The following RTN1 variants were observed in gnomAD, a reference collection of about 807,000 sequenced individuals.
RTN1 encodes reticulon 1.
Under a neutral mutation model 65.5 loss-of-function variants are expected in RTN1, and 25 were observed. That is an observed-to-expected ratio of 0.38 (90% CI 0.28 to 0.53). The LOEUF is 0.53. Ranked by LOEUF, RTN1 falls within the 20% of genes least tolerant of loss-of-function variation. The pLI is 0.79. For synonymous variants in RTN1, 471 were observed against 447.6 expected (o/e 1.05, Z -0.66); for missense variants, 983 against 1,025.4 (o/e 0.96, Z 0.57).
chr14:59,665,974 G>A (rs8022432), intron 3 of RTN1, among the ~76,000 whole-genome samples: 121,374 of 152,042 alleles, frequency 0.8, 48,564 homozygotes, highest in Admixed American at 0.86. Flanking sequence ...AGACTTAGAC[G>A]CCCACGCAAT....
At chr14:59,639,415 A>T (rs1882730845) in intron 3 of RTN1, among the ~76,000 whole-genome samples, 1 of 152,198 alleles carries the variant, frequency 6.6e-6, no homozygotes, top group Non-Finnish European at 1.5e-5. Flanking sequence ...TTTGTGTTTT[A>T]AAAAAAGCAG....
chr14:59,690,577 T>C (rs539668444), intron 3 of RTN1, among the ~76,000 whole-genome samples: 23 of 152,004 alleles, frequency 1.5e-4, no homozygotes, highest in Non-Finnish European at 2.8e-4. Context: ...AAATTCAACA[T>C]TTGACCCACT....
At chr14:59,746,657 G>A (rs12587247) in intron 1 of RTN1, among the ~76,000 whole-genome samples, 176 bp from the exon 2 acceptor site, 55,873 of 151,814 alleles carry the variant, frequency 0.37, 10,434 homozygotes, top group Middle Eastern at 0.45. Context: ...TAATCTCCCC[G>A]ATAGTCCATA....
intron 3 of RTN1, among the ~76,000 whole-genome samples, chr14:59,666,279 A>C (rs572446971): frequency 3.9e-5 from 6 of 152,344 alleles, no homozygotes; most frequent in Admixed American, 3.3e-4. Context: ...ACTCAGGATT[A>C]AGAAACTCAC....
intron 8 of RTN1, 47 bp downstream of exon 8, chr14:59,603,018 T>A: frequency 6.7e-7 from 1 of 1,499,000 alleles, no homozygotes; most frequent in African/African-American, 1.4e-5. Context: ...ACTCAAATGC[T>A]GATGTAAGAG....
chr14:59,782,999 A>G (rs1470971526), intron 1 of RTN1, among the ~76,000 whole-genome samples: 1 of 152,180 alleles, frequency 6.6e-6, no homozygotes, highest in Non-Finnish European at 1.5e-5. Context: ...AGCACTTTGC[A>G]CATTTTGCAG....
chr14:59,670,001 G>T (rs77029907), intron 3 of RTN1, among the ~76,000 whole-genome samples: 1 of 152,090 alleles, frequency 6.6e-6, no homozygotes, highest in Non-Finnish European at 1.5e-5. Flanking sequence ...TTATTTGAAG[G>T]TCATCATTGA....
intron 2 of RTN1, among the ~76,000 whole-genome samples, chr14:59,736,436 A>G (rs1885004009): frequency 6.6e-6 from 1 of 152,216 alleles, no homozygotes; most frequent in Admixed American, 6.5e-5. Context: ...AGAAATGGAT[A>G]AATTCCTGGA....
chr14:59,835,443 G>T (rs1887197544), intron 1 of RTN1, among the ~76,000 whole-genome samples: 1 of 152,084 alleles, frequency 6.6e-6, no homozygotes, highest in South Asian at 2.1e-4. Flanking sequence ...TTAAATTTGT[G>T]TAGTTTATTT....
chr14:59,799,434 A>G (rs1886498721), intron 1 of RTN1, among the ~76,000 whole-genome samples: 1 of 152,212 alleles, frequency 6.6e-6, no homozygotes, highest in Non-Finnish European at 1.5e-5. Flanking sequence ...AGTTGAGGTA[A>G]TAAGGCAGCC....
At chr14:59,757,324 T>G (rs575863179) in intron 1 of RTN1, among the ~76,000 whole-genome samples, 2 of 152,312 alleles carry the variant, frequency 1.3e-5, no homozygotes, top group African/African-American at 4.8e-5. Flanking sequence ...TTGAAATATG[T>G]GGGCAGTTTC....
chr14:59,676,611 G>T (rs551480910), intron 3 of RTN1, among the ~76,000 whole-genome samples: 1 of 152,272 alleles, frequency 6.6e-6, no homozygotes, highest in East Asian at 1.9e-4. Flanking sequence ...GAGGAGGCAG[G>T]ACAACATGAA....
chr14:59,726,633 C>T (rs1217211252), intron 3 of RTN1, among the ~76,000 whole-genome samples: 1 of 152,212 alleles, frequency 6.6e-6, no homozygotes, highest in African/African-American at 2.4e-5. Context: ...GGCGCATGCA[C>T]TCCATTTAGG....
intron 3 of RTN1, among the ~76,000 whole-genome samples, chr14:59,674,174 T>C (rs1333727824): frequency 6.6e-6 from 1 of 152,202 alleles, no homozygotes; most frequent in Non-Finnish European, 1.5e-5. Flanking sequence ...CAGAAATGAA[T>C]AAATACTTTA....
At chr14:59,791,953 T>C (rs1233775228) in intron 1 of RTN1, among the ~76,000 whole-genome samples, 1 of 152,032 alleles carries the variant, frequency 6.6e-6, no homozygotes, top group East Asian at 1.9e-4. Context: ...TCTCTCTAAA[T>C]CAAGGAGGAA....
At chr14:59,771,239 C>T (rs567780321) in intron 1 of RTN1, among the ~76,000 whole-genome samples, 1 of 152,242 alleles carries the variant, frequency 6.6e-6, no homozygotes, top group Admixed American at 6.5e-5. Context: ...TTAGATCAGA[C>T]CAAGAAGCTA....
intron 3 of RTN1, among the ~76,000 whole-genome samples, chr14:59,643,892 G>GAA (rs35689536): frequency 2.3e-4 from 35 of 150,226 alleles, no homozygotes; most frequent in African/African-American, 6.6e-4. Flanking sequence ...CCATACTCAA[G>GAA]AAAAAAAAAT....
chr14:59,866,530 A>C (rs1887801610), intron 1 of RTN1, among the ~76,000 whole-genome samples: 1 of 126,726 alleles, frequency 7.9e-6, no homozygotes, highest in Admixed American at 7.8e-5. Context: ...TTTTAAAAGT[A>C]TGTAAGCATC....
At chr14:59,740,923 T>C (rs75629807) in intron 2 of RTN1, among the ~76,000 whole-genome samples, 1 of 151,400 alleles carries the variant, frequency 6.6e-6, no homozygotes, top group African/African-American at 2.5e-5. Context: ...ATAGGAAAAT[T>C]GAGAGATAAG....
Sources: allele counts gnomAD v4.1 joint callset (sites outside exome capture counted in the v4.1 genomes callset), GRCh38; gene constraint gnomAD v4.1.1; transcripts MANE v1.5; gene names NCBI Gene and HGNC (gene_info 2026-07-23, HGNC 2026-07-21).